The following SYNE2 variants were observed in gnomAD, a reference collection of about 807,000 sequenced individuals.
SYNE2 encodes nesprin-2.
Under a neutral mutation model 856.3 loss-of-function variants are expected in SYNE2, and 431 were observed. The ratio of observed to expected loss-of-function variants is 0.50; its 90% CI spans 0.47 to 0.55. The LOEUF is 0.55. Ranked by LOEUF, SYNE2 falls within the 20% of genes least tolerant of loss-of-function variation. The pLI is 0.00. For missense variants in SYNE2, 8,129 were observed against 8,023.2 expected (o/e 1.01, Z -0.50); for synonymous variants, 2,923 against 2,872.3 (o/e 1.02, Z -0.56).
chr14:63,892,755 G>A (rs978222729), intron 1 of SYNE2, among the ~76,000 whole-genome samples: 12 of 142,768 alleles, frequency 8.4e-5, no homozygotes, highest in Non-Finnish European at 1.5e-4. Context: ...TTGTTGTAGA[G>A]ACAGGGGTCT....
intron 45 of SYNE2, 122 bp from the exon 46 acceptor site, chr14:64,047,878 T>C: frequency 9.3e-7 from 1 of 1,076,092 alleles, no homozygotes; most frequent in South Asian, 1.5e-5. Flanking sequence ...AGTGCCCAAA[T>C]ATACTTTTTA....
At chr14:63,811,933 AG>A (rs955728429) in intron 1 of SYNE2, among the ~76,000 whole-genome samples, 2 of 152,248 alleles carry the variant, frequency 1.3e-5, no homozygotes, top group African/African-American at 4.8e-5. Context: ...GGGCAAAGCA[AG>A]ATCACAAGGC....
chr14:63,906,117 A>G (rs765754668), intron 1 of SYNE2, among the ~76,000 whole-genome samples: 1 of 152,118 alleles, frequency 6.6e-6, no homozygotes, highest in East Asian at 1.9e-4. Context: ...ATTGATTTGC[A>G]TATGTTAGAA....
At chr14:64,079,592 G>A (rs949672935) in intron 55 of SYNE2, among the ~76,000 whole-genome samples, 2 of 152,210 alleles carry the variant, frequency 1.3e-5, no homozygotes, top group Admixed American at 1.3e-4. Context: ...TCTGCCCAGC[G>A]AAGTTCAGAT....
chr14:63,827,716 G>A (rs1382421916), intron 1 of SYNE2, among the ~76,000 whole-genome samples: 1 of 140,716 alleles, frequency 7.1e-6, no homozygotes, highest in Non-Finnish European at 1.5e-5. Context: ...AGCAAAGAAA[G>A]CAGCAAAAGT....
chr14:64,137,806 G>A lies in SYNE2; in HGVS notation c.14666G>A (p.Gly4889Asp). The A allele has an allele frequency of 6.2e-7, 1 of 1,614,130 alleles. No individual in the cohort carries two copies. The highest frequency in any genetic ancestry group is 8.5e-7 in the Non-Finnish European group (1 of 1,180,010). Residue 4889 changes from glycine to aspartate, a missense_variant, in exon 79 of 116, where the codon GGT becomes GAT. Coordinates refer to ENST00000555002, the MANE Select transcript of SYNE2 (RefSeq NM_182914.3). ...SFYQQIKRNI[G>D]GKHARLYQTL... The stretch of plus-strand genomic sequence containing the variant: ...TATTAGCAAATAAAAAGAAACATTG[G>A]TGGAAAACACGCCCGGCTTTACCAA...
intron 94 of SYNE2, among the ~76,000 whole-genome samples, chr14:64,172,068 C>G (rs1057344473): frequency 3.3e-5 from 5 of 152,234 alleles, no homozygotes; most frequent in African/African-American, 1.2e-4. Flanking sequence ...CCAGGCTGGT[C>G]TCGAACTCCT....
At chr14:63,981,983 A>C (rs2096589139) in intron 16 of SYNE2, among the ~76,000 whole-genome samples, 1 of 152,162 alleles carries the variant, frequency 6.6e-6, no homozygotes, top group Admixed American at 6.5e-5. Context: ...CTTCTATAAA[A>C]ATGTACATAA....
At chr14:64,102,088 G>C in intron 64 of SYNE2, 46 bp downstream of exon 64, 1 of 1,310,186 alleles carries the variant, frequency 7.6e-7, no homozygotes, top group Non-Finnish European at 1.1e-6. Context: ...CGAGGGCCCA[G>C]GGGGGAGCAG....
chr14:63,916,678 T>C (rs2095537098), intron 2 of SYNE2, among the ~76,000 whole-genome samples: 1 of 152,138 alleles, frequency 6.6e-6, no homozygotes, highest in Non-Finnish European at 1.5e-5. Context: ...GTCTATGATG[T>C]TTAGGGGCTC....
chr14:64,049,556 A>T, intron 46 of SYNE2, 55 bp from the exon 47 acceptor site: 3 of 1,577,178 alleles, frequency 1.9e-6, no homozygotes, highest in Middle Eastern at 1.7e-4. Flanking sequence ...AGATGAATGA[A>T]TTAATGCATA....
intron 11 of SYNE2, among the ~76,000 whole-genome samples, chr14:63,975,300 G>T (rs1403983124): frequency 6.6e-6 from 1 of 151,640 alleles, no homozygotes; most frequent in African/African-American, 2.4e-5. Context: ...TTCGTTTTAT[G>T]TTTTTGCATA....
At chr14:63,916,814 T>C (rs777141105) in intron 2 of SYNE2, among the ~76,000 whole-genome samples, 13 of 152,158 alleles carry the variant, frequency 8.5e-5, no homozygotes, top group Non-Finnish European at 1.9e-4. Flanking sequence ...GCTGGTGCAG[T>C]GGCTCACACC....
intron 1 of SYNE2, among the ~76,000 whole-genome samples, chr14:63,836,377 A>C (rs1889860582): frequency 6.6e-6 from 1 of 152,196 alleles, no homozygotes; most frequent in Non-Finnish European, 1.5e-5. Context: ...AATACTTCAA[A>C]AATATAGAAA....
intron 1 of SYNE2, among the ~76,000 whole-genome samples, chr14:63,782,985 C>T (rs150198120): frequency 3.9e-5 from 6 of 152,062 alleles, no homozygotes; most frequent in African/African-American, 7.2e-5. Context: ...TTAACATTAG[C>T]GATATTGGGA....
chr14:64,153,165 T>G (rs2098258111), intron 85 of SYNE2, among the ~76,000 whole-genome samples: 1 of 152,152 alleles, frequency 6.6e-6, no homozygotes, highest in African/African-American at 2.4e-5. Flanking sequence ...CTCTAAAGTT[T>G]GGAAGAAACA....
At chr14:64,215,548 G>A in intron 107 of SYNE2, 194 bp downstream of exon 107, 1 of 658,154 alleles carries the variant, frequency 1.5e-6, no homozygotes, top group Non-Finnish European at 2.7e-6. Flanking sequence ...ATCCAAGCCA[G>A]AGCCGTCTCG....
chr14:64,221,530 C>G (rs1183663354), intron 111 of SYNE2, 46 bp from the exon 112 acceptor site: 2 of 1,614,038 alleles, frequency 1.2e-6, no homozygotes, highest in Non-Finnish European at 1.7e-6. Flanking sequence ...ACACCCTCTT[C>G]CAGGGCTCTA....
intron 2 of SYNE2, among the ~76,000 whole-genome samples, chr14:63,913,275 A>G (rs1052630911): frequency 7.9e-5 from 12 of 152,066 alleles, no homozygotes; most frequent in Admixed American, 3.9e-4. Context: ...TGTTTTCTGC[A>G]TTTAGTGAAG....
Sources: gnomAD v4.1 joint callset for allele counts (sites outside exome capture counted in the v4.1 genomes callset) on GRCh38, gnomAD v4.1.1 for gene constraint, MANE v1.5 for transcripts, NCBI Gene and HGNC (gene_info 2026-07-23, HGNC 2026-07-21) for gene names.